The following NXPH1 variants were observed in gnomAD, a reference collection of about 807,000 sequenced individuals.
The protein encoded by NXPH1 is neurexophilin 1.
Under a neutral mutation model 23.7 loss-of-function variants are expected in NXPH1, and 5 were observed. The ratio of observed to expected loss-of-function variants is 0.21; its 90% CI spans 0.11 to 0.44. NXPH1 has a LOEUF of 0.44. Ranked by LOEUF, NXPH1 falls within the 20% of genes least tolerant of loss-of-function variation. The pLI, the probability that NXPH1 is intolerant of heterozygous loss-of-function variation, is 0.99. For missense variants in NXPH1, 324 were observed against 321.6 expected, an observed-to-expected ratio of 1.01 and a Z score of -0.06; for synonymous variants, 144 against 122.2, an observed-to-expected ratio of 1.18 and a Z score of -1.18.
chr7:8,684,659 A>G (rs1388224517), intron 2 of NXPH1, among the ~76,000 whole-genome samples: 5 of 152,112 alleles, frequency 3.3e-5, no homozygotes, highest in African/African-American at 1.2e-4. Flanking sequence ...TCAATAATAA[A>G]CCGGATATAC....
chr7:8,625,905 G>A (rs1166286387), intron 2 of NXPH1, among the ~76,000 whole-genome samples: 4 of 152,150 alleles, frequency 2.6e-5, no homozygotes, highest in African/African-American at 7.2e-5. Flanking sequence ...CAAACAATGA[G>A]TCAGAGGACT....
chr7:8,452,965 G>A (rs1382616899), intron 2 of NXPH1, among the ~76,000 whole-genome samples: 1 of 151,992 alleles, frequency 6.6e-6, no homozygotes, highest in Non-Finnish European at 1.5e-5. Flanking sequence ...TTGCTTTTCT[G>A]GGGAAAGTCT....
chr7:8,475,938 A>G (rs1370022556), intron 2 of NXPH1, among the ~76,000 whole-genome samples: 1 of 152,044 alleles, frequency 6.6e-6, no homozygotes, highest in Non-Finnish European at 1.5e-5. Context: ...CCCCTGCACA[A>G]CCTCTCCAAC....
chr7:8,691,055 T>C (rs1583232259), intron 2 of NXPH1, among the ~76,000 whole-genome samples: 1 of 152,258 alleles, frequency 6.6e-6, no homozygotes, highest in Admixed American at 6.5e-5. Context: ...GGGTGACATA[T>C]GGCTCTCTCA....
intron 2 of NXPH1, among the ~76,000 whole-genome samples, chr7:8,461,625 T>C (rs374709485): frequency 0.012 from 1,757 of 149,118 alleles, 35 homozygotes; most frequent in African/African-American, 0.042. Flanking sequence ...GGTCAGGAGA[T>C]CGAGACCATC....
chr7:8,636,385 T>C (rs1583208609), intron 2 of NXPH1, among the ~76,000 whole-genome samples: 1 of 152,210 alleles, frequency 6.6e-6, no homozygotes, highest in Admixed American at 6.5e-5. Flanking sequence ...TGTTCATCAG[T>C]CAGCAGAATT....
intron 2 of NXPH1, among the ~76,000 whole-genome samples, chr7:8,714,426 T>C (rs1779845278): frequency 6.6e-6 from 1 of 151,948 alleles, no homozygotes; most frequent in Non-Finnish European, 1.5e-5. Context: ...TGCTTAGTGC[T>C]CTTCCCCACT....
intron 2 of NXPH1, among the ~76,000 whole-genome samples, chr7:8,651,074 A>AGC (rs2115152140): frequency 6.7e-6 from 1 of 149,982 alleles, no homozygotes; most frequent in East Asian, 2.0e-4. Flanking sequence ...TGCACCCACT[A>AGC]ACTCGTCATC....
chr7:8,508,613 CA>C (rs1386574017), intron 2 of NXPH1, among the ~76,000 whole-genome samples: 1 of 152,044 alleles, frequency 6.6e-6, no homozygotes, highest in Non-Finnish European at 1.5e-5. Flanking sequence ...AATTGCCCTT[CA>C]TTTGTGAGAT....
At chr7:8,619,099 A>C (rs1165957286) in intron 2 of NXPH1, among the ~76,000 whole-genome samples, 1 of 152,130 alleles carries the variant, frequency 6.6e-6, no homozygotes, top group African/African-American at 2.4e-5. Flanking sequence ...GGAAGTTGAG[A>C]ACTTGAGCTT....
intron 2 of NXPH1, among the ~76,000 whole-genome samples, chr7:8,623,716 G>T (rs1232892698): frequency 3.2e-5 from 3 of 92,906 alleles, no homozygotes; most frequent in Non-Finnish European, 6.5e-5. Context: ...AGTCTCATAT[G>T]TGCCTTTTAT....
rs183118990 is a variant in NXPH1 at position 8,599,391 on chromosome 7, G to A, written c.55-151617G>A. Among the ~76,000 whole-genome samples the A allele has an allele frequency of 9.3e-4, 141 of 152,178 alleles. 1 individual carries two copies. Among genetic ancestry groups the A allele is most frequent in the African/African-American group, 3.2e-3 (134 of 41,514 alleles). ...CAGAATCCTTCTATTTCCTAATGCT[G>A]TGTTACTCCTCTGGGCTCATCATTT... On this transcript the variant is annotated intron_variant, in intron 2 of 2. Transcript: ENST00000405863.
In NXPH1 at chr7:8,751,114, C is replaced by T. The variant is rs769718638; in HGVS notation, c.161C>T (p.Ser54Phe). 1.2e-5 allele frequency: 20 copies of T among 1,613,712 alleles called. No individual in the cohort carries two copies. In the Middle Eastern group the frequency reaches 4.9e-4, roughly 40 times the overall value. ...HIWTESSKDL[S>F]ISRLLSQTFR... ...TGGACAGAAAGCAGCAAAGACTTGT[C>T]TATCAGCCGACTCCTGTCACAGACT... The change falls in exon 3 of 3, where the codon TCT becomes TTT. Residue 54 changes from serine to phenylalanine, a missense_variant. Ser to Phe is a radical substitution (Grantham distance 155). Transcript: ENST00000405863. This position sits in a 1 kb window ranked among gnomAD's most constrained non-coding sequence, Gnocchi z 4.5.
intron 2 of NXPH1, among the ~76,000 whole-genome samples, chr7:8,706,166 A>G (rs914480296): frequency 6.6e-6 from 1 of 152,194 alleles, no homozygotes; most frequent in Non-Finnish European, 1.5e-5. Context: ...CCTCTTTTCA[A>G]AAAATGGTTC....
intron 2 of NXPH1, among the ~76,000 whole-genome samples, chr7:8,552,162 C>G (rs539322649): frequency 6.8e-5 from 10 of 146,318 alleles, no homozygotes; most frequent in African/African-American, 2.6e-4. Context: ...CCACACAAAC[C>G]GTTAAGGAGA....
chr7:8,453,720 G>C (rs189623389), intron 2 of NXPH1, among the ~76,000 whole-genome samples: 35 of 152,184 alleles, frequency 2.3e-4, no homozygotes, highest in African/African-American at 8.2e-4. Flanking sequence ...ACGGCTTCCA[G>C]CTCTACCCAT....
At chr7:8,659,544 G>A (rs977029885) in intron 2 of NXPH1, among the ~76,000 whole-genome samples, 1 of 152,118 alleles carries the variant, frequency 6.6e-6, no homozygotes, top group Non-Finnish European at 1.5e-5. Context: ...AGAACACTTG[G>A]ACACAGGAAG....
At chr7:8,641,615 T>A (rs533316143) in intron 2 of NXPH1, among the ~76,000 whole-genome samples, 6 of 152,184 alleles carry the variant, frequency 3.9e-5, no homozygotes, top group Non-Finnish European at 7.3e-5. Context: ...GGTTTCCTTT[T>A]TCTTTTTTAA....
intron 2 of NXPH1, among the ~76,000 whole-genome samples, chr7:8,628,471 C>CAACAACA (rs1820045932): frequency 6.7e-6 from 1 of 148,204 alleles, no homozygotes; most frequent in South Asian, 2.1e-4. Flanking sequence ...AACAATCAAA[C>CAACAACA]ATTTAAGAGG....
Sources: gnomAD v4.1 joint callset for allele counts (sites outside exome capture counted in the v4.1 genomes callset) on GRCh38, gnomAD v4.1.1 for gene constraint, Gnocchi (gnomAD v3.1) non-coding constraint, MANE v1.5 for transcripts, NCBI Gene and HGNC (gene_info 2026-07-23, HGNC 2026-07-21) for gene names.